Variants in SLC25A21 observed in about 807,000 individuals in gnomAD.
The protein encoded by SLC25A21 is solute carrier family 25 member 21, also known as mitochondrial 2-oxodicarboxylate carrier.
In SLC25A21, 47 loss-of-function variants were observed where a neutral mutation model predicts 43.8. The observed-to-expected ratio is 1.07, with a 90% CI of 0.85 to 1.37. The LOEUF (loss-of-function observed/expected upper bound fraction) is 1.37. Ranked by LOEUF, SLC25A21 falls within the 40% of genes most tolerant of loss-of-function variation. SLC25A21 has a pLI of 0.00. For missense variants in SLC25A21, 352 were observed against 350.2 expected (o/e 1.00, Z -0.04); for synonymous variants, 131 against 121.3 (o/e 1.08, Z -0.52).
intron 1 of SLC25A21, among the ~76,000 whole-genome samples, chr14:37,107,540 T>C (rs1436288825): frequency 1.3e-5 from 2 of 152,124 alleles, no homozygotes; most frequent in Non-Finnish European, 2.9e-5. Context: ...AAAAGCATTA[T>C]CAGGATGAAT....
Position 36,956,955 on chromosome 14 carries a change from T to C in SLC25A21, c.71-81951A>G, listed in dbSNP as rs914273800. Among the ~76,000 whole-genome samples the C allele has an allele frequency of 2.0e-5, 3 of 152,200 alleles. No individual in the cohort carries two copies. The East Asian group carries it at 5.8e-4, about 29-fold the overall frequency. On this transcript the variant is annotated intron_variant, in intron 1 of 9. Transcript: ENST00000331299. ...GGTACTTCAAATTCATCTATCTATATGCACAGAAATGAATAAAACCAGAGC... is the reference window on the plus strand; with the variant it reads ...GGTACTTCAAATTCATCTATCTATACGCACAGAAATGAATAAAACCAGAGC...
At position 36,678,953 on chromosome 14, in the gene SLC25A21, G is replaced by GATT; in HGVS notation, c.*1702_*1704dup. ...ATGGATTAAAGGGTTAACTTTTAAAGATTATTATTGGTTAATGTTGACATA... is the reference window on the plus strand; with the variant it reads ...ATGGATTAAAGGGTTAACTTTTAAAGATTATTATTATTGGTTAATGTTGACATA... On this transcript the variant is annotated 3_prime_UTR_variant, in exon 10 of 10. Coordinates refer to ENST00000331299, the MANE Select transcript of SLC25A21 (RefSeq NM_030631.4). 1.0e-6 allele frequency: 1 copy of GATT among 981,746 alleles called. No individual in the cohort carries two copies. The highest frequency in any genetic ancestry group is 1.2e-6 in the Non-Finnish European group (1 of 826,502). The allele number at this position is 981,746 out of a possible 1,614,324, so 60.8% of individuals were successfully genotyped here.
At chr14:36,744,619 C>T (rs1261169762) in intron 3 of SLC25A21, among the ~76,000 whole-genome samples, 1 of 34,886 alleles carries the variant, frequency 2.9e-5, no homozygotes, top group African/African-American at 3.3e-4. Context: ...TTCTTCTGAA[C>T]ATTGGCAGAA....
intron 2 of SLC25A21, among the ~76,000 whole-genome samples, chr14:36,826,477 T>C (rs1888836444): frequency 6.6e-6 from 1 of 152,190 alleles, no homozygotes; most frequent in African/African-American, 2.4e-5. Context: ...CTCCCTGCTC[T>C]GGGAGCCTCC....
chr14:36,742,849 G>T (rs1164502290), intron 3 of SLC25A21, among the ~76,000 whole-genome samples: 1 of 152,154 alleles, frequency 6.6e-6, no homozygotes, highest in Non-Finnish European at 1.5e-5. Context: ...TCTTTGGATT[G>T]ATTTGTTACC....
At chr14:36,785,400 AC>A (rs1887211315) in intron 3 of SLC25A21, among the ~76,000 whole-genome samples, 1 of 152,134 alleles carries the variant, frequency 6.6e-6, no homozygotes, top group Non-Finnish European at 1.5e-5. Flanking sequence ...TCTGCCACTC[AC>A]CCTGGGAGCA....
intron 7 of SLC25A21, among the ~76,000 whole-genome samples, chr14:36,696,119 G>C (rs927689201): frequency 7.2e-5 from 11 of 152,140 alleles, no homozygotes; most frequent in African/African-American, 2.7e-4. Context: ...TAGCATGAAG[G>C]GCTGTTGAAT....
chr14:36,995,888 C>T lies in SLC25A21; in HGVS notation c.71-120884G>A, dbSNP rs992965384. Among the ~76,000 whole-genome samples the T allele has an allele frequency of 2.6e-5, 4 of 152,320 alleles. No homozygotes were observed. In the East Asian group the frequency reaches 7.7e-4, roughly 29 times the overall value. On this transcript the variant is annotated intron_variant, in intron 1 of 9. Transcript: ENST00000331299. Reference sequence around the variant, plus strand: ...AACAACAACATAATACTGTAGCTAACAATTGGTATCACTTACCTTGGACCA... The same window carrying T: ...AACAACAACATAATACTGTAGCTAATAATTGGTATCACTTACCTTGGACCA...
intron 3 of SLC25A21, among the ~76,000 whole-genome samples, chr14:36,735,385 A>G (rs930353981): frequency 2.0e-5 from 3 of 152,238 alleles, no homozygotes; most frequent in Non-Finnish European, 2.9e-5. Flanking sequence ...TATATATGCC[A>G]TATCTTCATT....
At chr14:36,906,182 T>C (rs535715126) in intron 1 of SLC25A21, among the ~76,000 whole-genome samples, 1 of 152,222 alleles carries the variant, frequency 6.6e-6, no homozygotes, top group Non-Finnish European at 1.5e-5. Flanking sequence ...TTTTCAAGCA[T>C]TATAATTGTT....
At chr14:36,837,488 G>C (rs1889248856) in intron 2 of SLC25A21, among the ~76,000 whole-genome samples, 1 of 152,124 alleles carries the variant, frequency 6.6e-6, no homozygotes, top group Non-Finnish European at 1.5e-5. Context: ...GCCAGGGGAG[G>C]AGCAACAATT....
chr14:36,932,387 T>A (rs1892318038), intron 1 of SLC25A21, among the ~76,000 whole-genome samples: 2 of 152,102 alleles, frequency 1.3e-5, no homozygotes, highest in Admixed American at 1.3e-4. Context: ...TGGAGGTAGG[T>A]TGTCCTATTT....
rs557634396 is a variant in SLC25A21, at chr14:37,121,107, C to G, written c.70+51174G>C. 2.6e-5 allele frequency among the ~76,000 whole-genome samples: 4 copies of G among 152,258 alleles called. No homozygotes were observed. The East Asian group carries it at 7.7e-4, about 29-fold the overall frequency. ...GGGCAAACTGAAAGTGATCATGTAC[C>G]CTTTAAAAGTGACTTTCAAACTTTT... On this transcript the variant is annotated intron_variant, in intron 1 of 9. Transcript: ENST00000331299.
chr14:37,045,984 C>A (rs1961577669), intron 1 of SLC25A21, among the ~76,000 whole-genome samples: 2 of 152,158 alleles, frequency 1.3e-5, no homozygotes, highest in African/African-American at 4.8e-5. Flanking sequence ...TTATTCTGTG[C>A]CAGGACCTGT....
intron 3 of SLC25A21, among the ~76,000 whole-genome samples, chr14:36,812,558 G>T (rs1888308802): frequency 6.6e-6 from 1 of 151,262 alleles, no homozygotes; most frequent in Non-Finnish European, 1.5e-5. Flanking sequence ...TTGCACTATT[G>T]TTTATAATAG....
chr14:36,824,448 C>T (rs112661998), intron 2 of SLC25A21, among the ~76,000 whole-genome samples: 53 of 152,096 alleles, frequency 3.5e-4, no homozygotes, highest in African/African-American at 1.2e-3. Context: ...ATGGATGGAT[C>T]GAACCCCAAA....
chr14:37,113,798 G>A (rs140115404), intron 1 of SLC25A21, among the ~76,000 whole-genome samples: 149 of 147,134 alleles, frequency 1.0e-3, no homozygotes, highest in African/African-American at 3.5e-3. Flanking sequence ...AGCATGCAGT[G>A]AGCCAAGATC....
chr14:37,056,670 C>T (rs900980241), intron 1 of SLC25A21, among the ~76,000 whole-genome samples: 1 of 152,156 alleles, frequency 6.6e-6, no homozygotes, highest in Non-Finnish European at 1.5e-5. Context: ...TTCCTCCTTA[C>T]ATTCTGGCCA....
intron 9 of SLC25A21, among the ~76,000 whole-genome samples, chr14:36,681,523 C>T (rs900101904): frequency 1.3e-5 from 2 of 152,164 alleles, no homozygotes; most frequent in African/African-American, 4.8e-5. Context: ...CTATTTGATG[C>T]AGTAAATAGC....
Sources: allele counts gnomAD v4.1 joint callset (sites outside exome capture counted in the v4.1 genomes callset), GRCh38; gene constraint gnomAD v4.1.1; transcripts MANE v1.5; gene names NCBI Gene and HGNC (gene_info 2026-07-23, HGNC 2026-07-21).